Variants in FOXN3 observed in about 807,000 individuals in gnomAD.
The protein encoded by FOXN3 is forkhead box N3.
Under a neutral mutation model 38.4 loss-of-function variants are expected in FOXN3, and 7 were observed. The ratio of observed to expected loss-of-function variants is 0.18; its 90% CI spans 0.10 to 0.34. FOXN3 has a LOEUF of 0.34. Among genes scored for constraint, FOXN3 ranks in the 10% least tolerant of loss-of-function variants. The probability of loss-of-function intolerance (pLI) is 1.00; values close to 1 mark genes in which losing one functional copy is unlikely to be tolerated. For missense variants in FOXN3, 456 were observed against 613.4 expected, an observed-to-expected ratio of 0.74 and a Z score of 2.71; for synonymous variants, 230 against 242.2, an observed-to-expected ratio of 0.95 and a Z score of 0.47.
chr14:89,616,691 A>G (rs1466778699), intron 1 of FOXN3, among the ~76,000 whole-genome samples: 1 of 152,184 alleles, frequency 6.6e-6, no homozygotes, highest in East Asian at 1.9e-4. Flanking sequence ...CTGGCTCTCA[A>G]AAGAGTTTTG....
chr14:89,542,868 CA>C (rs1468566224), intron 1 of FOXN3, among the ~76,000 whole-genome samples: 1 of 152,178 alleles, frequency 6.6e-6, no homozygotes, highest in Non-Finnish European at 1.5e-5. Flanking sequence ...TCAGCAGTGG[CA>C]AAGAACTCCA....
chr14:89,421,049 A>G (rs1891891075), upstream of FOXN3, among the ~76,000 whole-genome samples: 1 of 151,760 alleles, frequency 6.6e-6, no homozygotes, highest in Non-Finnish European at 1.5e-5. Context: ...AAATTGGGGA[A>G]AAAAGGCTAA....
chr14:89,373,446 C>T (rs1449890821), intron 2 of FOXN3, among the ~76,000 whole-genome samples: 2 of 118,052 alleles, frequency 1.7e-5, no homozygotes, highest in African/African-American at 3.4e-5. Context: ...AGAGGGAGCA[C>T]GTAAGCAGAA....
intron 1 of FOXN3, among the ~76,000 whole-genome samples, chr14:89,439,614 C>A (rs1892336047): frequency 6.6e-6 from 1 of 151,818 alleles, no homozygotes; most frequent in Non-Finnish European, 1.5e-5. Context: ...CAATGAGCAG[C>A]ACTCAGGGCT....
intron 4 of FOXN3, among the ~76,000 whole-genome samples, chr14:89,184,397 T>C (rs1028468629): frequency 6.6e-6 from 1 of 152,190 alleles, no homozygotes; most frequent in Non-Finnish European, 1.5e-5. Context: ...AAAGCACCCC[T>C]GGGGAGAGTG....
intron 1 of FOXN3, among the ~76,000 whole-genome samples, chr14:89,617,831 A>G (rs1416615961): frequency 1.3e-5 from 2 of 152,222 alleles, no homozygotes; most frequent in African/African-American, 4.8e-5. Flanking sequence ...CAAGAGGGCT[A>G]TCTGAAACTA....
intron 3 of FOXN3, among the ~76,000 whole-genome samples, chr14:89,296,651 T>C (rs959484118): frequency 6.6e-6 from 1 of 152,262 alleles, no homozygotes; most frequent in African/African-American, 2.4e-5. Flanking sequence ...AACTCAACAT[T>C]TCTCAACCGA....
chr14:89,244,230 T>G (rs770951067), intron 4 of FOXN3, among the ~76,000 whole-genome samples: 6 of 152,244 alleles, frequency 3.9e-5, no homozygotes, highest in Non-Finnish European at 8.8e-5. Flanking sequence ...TACATGATAT[T>G]GGTAACGGCC....
intron 3 of FOXN3, chr14:89,349,421 A>T (rs190387303): frequency 6.6e-6 from 1 of 152,426 alleles, no homozygotes; most frequent in Admixed American, 6.5e-5. Flanking sequence ...CAAACCTTTC[A>T]AATCAACTGT....
chr14:89,359,584 G>A (rs1889374274), intron 2 of FOXN3, among the ~76,000 whole-genome samples: 1 of 152,224 alleles, frequency 6.6e-6, no homozygotes, highest in Non-Finnish European at 1.5e-5. Flanking sequence ...AAAGCAAAGA[G>A]CCAGCCACTG....
At chr14:89,573,127 T>G (rs1214094526) in intron 1 of FOXN3, among the ~76,000 whole-genome samples, 1 of 152,186 alleles carries the variant, frequency 6.6e-6, no homozygotes, top group Admixed American at 6.5e-5. Flanking sequence ...CGAGATGCAC[T>G]TCTAGTTTGA....
In FOXN3 at chr14:89,412,467, C is replaced by G; in HGVS notation, c.10G>C (p.Val4Leu). 1 of 1,602,178 alleles carries G rather than the reference C, an allele frequency of 6.2e-7. No homozygotes were observed. Among genetic ancestry groups the G allele is most frequent in the Non-Finnish European group, 8.5e-7 (1 of 1,172,730 alleles). MGPVMPPSKKPESS... is the reference protein window; with the variant it reads MGPLMPPSKKPESS... Reference sequence around the variant, plus strand: ...TCTGGCTTCTTACTGGGAGGCATGACTGGACCCATTTACGTGAAGGCTCCT... The same window carrying G: ...TCTGGCTTCTTACTGGGAGGCATGAGTGGACCCATTTACGTGAAGGCTCCT... The change falls in exon 2 of 6, where the codon GTC becomes CTC. Residue 4 changes from valine (V) to leucine (L), a missense_variant. Around this residue, in one of 3 missense-constraint regions of FOXN3, gnomAD observed 59 missense variants for 69.0 expected, o/e 0.85. Transcript: ENST00000557258. The surrounding 1 kb of genome is among the most constrained non-coding windows in gnomAD (Gnocchi z 4.7).
rs766677114 is a variant in FOXN3, at chr14:89,225,327, G to A, written c.746-44521C>T. 6.9e-4 allele frequency among the ~76,000 whole-genome samples: 104 copies of A among 151,084 alleles called. 1 individual carries two copies. The highest frequency in any genetic ancestry group is 6.7e-3 in the Admixed American group (102 of 15,162). ...CTGAAAAATATATAATACAAAAGCC[G>A]GGCACAGTGGCTCATGCCTGTAATC... is the stretch of plus-strand genomic sequence containing the variant. On this transcript the variant is annotated intron_variant, in intron 4 of 5. Coordinates refer to ENST00000557258, the MANE Select transcript of FOXN3 (RefSeq NM_005197.4).
chr14:89,324,567 G>A (rs965975430), intron 3 of FOXN3, among the ~76,000 whole-genome samples: 2 of 152,090 alleles, frequency 1.3e-5, no homozygotes, highest in Non-Finnish European at 2.9e-5. Context: ...ACCCTTTGGG[G>A]AGAGAATATA....
intron 2 of FOXN3, chr14:89,409,362 G>C: frequency 6.8e-6 from 1 of 147,552 alleles, no homozygotes; most frequent in African/African-American, 2.5e-5. Context: ...CGGGGGGGTC[G>C]CATGGCGGGA....
intron 1 of FOXN3, chr14:89,494,181 G>C (rs1456955883): frequency 1.3e-5 from 2 of 152,156 alleles, no homozygotes; most frequent in Admixed American, 1.3e-4. Flanking sequence ...AAACCTGCAA[G>C]CTACTATTTC....
At chr14:89,296,902 G>C (rs1429483561) in intron 3 of FOXN3, among the ~76,000 whole-genome samples, 4 of 152,278 alleles carry the variant, frequency 2.6e-5, no homozygotes, top group Admixed American at 2.0e-4. Context: ...CTCCCAAAGT[G>C]CTGGGATTAC....
intron 1 of FOXN3, among the ~76,000 whole-genome samples, chr14:89,554,292 G>A (rs760601046): frequency 7.2e-5 from 11 of 151,896 alleles, no homozygotes; most frequent in Non-Finnish European, 1.2e-4. Context: ...GAGCCACCAC[G>A]CCTGGCCTAC....
intron 1 of FOXN3, among the ~76,000 whole-genome samples, chr14:89,559,624 C>T (rs560920510): frequency 6.6e-6 from 1 of 151,842 alleles, no homozygotes; most frequent in African/African-American, 2.4e-5. Context: ...TGCAGTGAGC[C>T]AAGATTGCGC....
Sources: gnomAD v4.1 joint callset for allele counts (sites outside exome capture counted in the v4.1 genomes callset) on GRCh38, gnomAD v4.1.1 for gene constraint, gnomAD v4.1.1 regional missense constraint, Gnocchi (gnomAD v3.1) non-coding constraint, MANE v1.5 for transcripts, NCBI Gene and HGNC (gene_info 2026-07-23, HGNC 2026-07-21) for gene names.